FAF1: variants seen among roughly 807,000 people sequenced by gnomAD.
FAF1 encodes the protein Fas associated factor 1, also known as FAS-associated factor 1.
A neutral mutation model predicts 92.5 loss-of-function variants in FAF1; 25 were observed. The ratio of observed to expected loss-of-function variants is 0.27; its 90% CI spans 0.20 to 0.38. The LOEUF (loss-of-function observed/expected upper bound fraction) is 0.38, where lower values mean the gene tolerates loss of function less well. Ranked by LOEUF, FAF1 falls within the 10% of genes least tolerant of loss-of-function variation. The pLI is 1.00. For synonymous variants in FAF1, 234 were observed against 273.2 expected, an observed-to-expected ratio of 0.86 and a Z score of 1.42; for missense variants, 636 against 793.3, an observed-to-expected ratio of 0.80 and a Z score of 2.38.
chr1:50,510,298 C>T (rs1647117755), intron 15 of FAF1, among the ~76,000 whole-genome samples: 1 of 151,852 alleles, frequency 6.6e-6, no homozygotes, highest in African/African-American at 2.4e-5. Flanking sequence ...TAATAATAAT[C>T]CCAATAATAT....
chr1:50,506,968 A>T (rs1206980993), intron 15 of FAF1, among the ~76,000 whole-genome samples: 1 of 152,212 alleles, frequency 6.6e-6, no homozygotes, highest in Non-Finnish European at 1.5e-5. Context: ...TGACATTTAA[A>T]AGACGGCTGG....
At chr1:50,916,959 T>A (rs146662319) in intron 1 of FAF1, among the ~76,000 whole-genome samples, 1 of 152,144 alleles carries the variant, frequency 6.6e-6, no homozygotes, top group African/African-American at 2.4e-5. Flanking sequence ...AAGTCCTAGG[T>A]AACTGGCAAT....
chr1:50,689,322 C>G (rs575521633), intron 7 of FAF1, among the ~76,000 whole-genome samples: 43 of 152,252 alleles, frequency 2.8e-4, no homozygotes, highest in Non-Finnish European at 5.0e-4. Context: ...CAGTGGCTCA[C>G]GCCTGTAATC....
chr1:50,527,084 C>T (rs59029934), intron 15 of FAF1, among the ~76,000 whole-genome samples: 9,954 of 151,988 alleles, frequency 0.065, 401 homozygotes, highest in East Asian at 0.092. Flanking sequence ...CTCAAACTCC[C>T]AGCCTCAAGT....
chr1:50,507,569 TA>T (rs1243032693), intron 15 of FAF1, among the ~76,000 whole-genome samples: 1 of 152,024 alleles, frequency 6.6e-6, no homozygotes. Flanking sequence ...GCGAGACCCA[TA>T]AAAAATAATT....
chr1:50,575,459 T>C (rs1405274966), intron 12 of FAF1, among the ~76,000 whole-genome samples: 1 of 152,226 alleles, frequency 6.6e-6, no homozygotes, highest in East Asian at 1.9e-4. Flanking sequence ...ATAGATTTTT[T>C]TAAAAATCAC....
chr1:50,794,185 T>C (rs947691955), intron 3 of FAF1, among the ~76,000 whole-genome samples: 2 of 152,202 alleles, frequency 1.3e-5, no homozygotes, highest in Non-Finnish European at 2.9e-5. Flanking sequence ...GTTTCTAGAA[T>C]GCAGTGGTTG....
At chr1:50,466,344 G>A (rs927557775) in intron 18 of FAF1, among the ~76,000 whole-genome samples, 5 of 152,178 alleles carry the variant, frequency 3.3e-5, no homozygotes, top group Admixed American at 6.5e-5. Flanking sequence ...GGAGGAGCAG[G>A]TTTTTAGGGG....
chr1:50,706,978 TG>T (rs1422771862), intron 6 of FAF1, among the ~76,000 whole-genome samples: 6 of 152,258 alleles, frequency 3.9e-5, no homozygotes, highest in Admixed American at 3.3e-4. Context: ...CCGAGGCCAG[TG>T]GATCACGAGG....
chr1:50,857,739 G>A (rs141938611), intron 2 of FAF1, among the ~76,000 whole-genome samples, 190 bp downstream of exon 2: 4 of 151,820 alleles, frequency 2.6e-5, no homozygotes, highest in African/African-American at 9.7e-5. Context: ...AATTATCTAA[G>A]TATTCATAAT....
chr1:50,715,005 C>T (rs1408621875), intron 6 of FAF1: 3 of 434,258 alleles, frequency 6.9e-6, no homozygotes, highest in South Asian at 5.0e-5. Flanking sequence ...AAAAAAAAAC[C>T]TGTTGCAAAG....
chr1:50,600,840 A>T (rs1652084232), intron 8 of FAF1, among the ~76,000 whole-genome samples: 1 of 152,198 alleles, frequency 6.6e-6, no homozygotes, highest in African/African-American at 2.4e-5. Flanking sequence ...TAGAAAATAT[A>T]ATTACTTTGT....
intron 1 of FAF1, among the ~76,000 whole-genome samples, chr1:50,928,299 T>C (rs929554944): frequency 5.3e-5 from 8 of 152,150 alleles, no homozygotes; most frequent in African/African-American, 1.9e-4. Flanking sequence ...AATGGAAAAG[T>C]CTAAGAAAGT....
intron 8 of FAF1, among the ~76,000 whole-genome samples, chr1:50,644,133 CTTTGT>C (rs1654470213): frequency 6.6e-6 from 1 of 152,124 alleles, no homozygotes; most frequent in Admixed American, 6.5e-5. Flanking sequence ...GGATGCTGGA[CTTTGT>C]TTTTAGAGGC....
intron 1 of FAF1, among the ~76,000 whole-genome samples, chr1:50,858,650 T>C (rs1189821317): frequency 6.6e-6 from 1 of 151,916 alleles, no homozygotes; most frequent in Non-Finnish European, 1.5e-5. Context: ...CTAGCTTAAA[T>C]AAAACATGTT....
At chr1:50,630,931 T>G (rs766368475) in intron 8 of FAF1, among the ~76,000 whole-genome samples, 3 of 149,590 alleles carry the variant, frequency 2.0e-5, no homozygotes, top group Admixed American at 1.4e-4. Context: ...GCATCCCAAG[T>G]AGCTGGGATT....
At chr1:50,958,983 C>A (rs1001083961) in intron 1 of FAF1, among the ~76,000 whole-genome samples, 16 of 152,196 alleles carry the variant, frequency 1.1e-4, no homozygotes, top group African/African-American at 3.4e-4. Flanking sequence ...GCATACAGTT[C>A]TACTTTCAAA....
chr1:50,584,901 C>A, intron 9 of FAF1, 90 bp from the exon 10 acceptor site: 1 of 1,200,396 alleles, frequency 8.3e-7, no homozygotes. Context: ...AGGACATAAG[C>A]GTTATAAAAT....
chr1:50,954,502 C>G (rs1645247763), intron 1 of FAF1, among the ~76,000 whole-genome samples: 1 of 151,412 alleles, frequency 6.6e-6, no homozygotes, highest in Admixed American at 6.6e-5. Flanking sequence ...GTAACAAGAC[C>G]CTGTGTTTCT....
Sources: gnomAD v4.1 joint callset for allele counts (sites outside exome capture counted in the v4.1 genomes callset) on GRCh38, gnomAD v4.1.1 for gene constraint, MANE v1.5 for transcripts, NCBI Gene and HGNC (gene_info 2026-07-23, HGNC 2026-07-21) for gene names.